Variants in COL16A1 observed in about 807,000 individuals in gnomAD.
COL16A1 encodes the protein collagen alpha-1(XVI) chain.
A neutral mutation model predicts 266.3 loss-of-function variants in COL16A1; 189 were observed. The ratio of observed to expected loss-of-function variants is 0.71; its 90% CI spans 0.63 to 0.80. COL16A1 has a LOEUF of 0.80. Among genes scored for constraint, COL16A1 ranks in the 30% least tolerant of loss-of-function variants. COL16A1 has a pLI of 0.00. For synonymous variants in COL16A1, 740 were observed against 782.3 expected, an observed-to-expected ratio of 0.95 and a Z score of 0.90; for missense variants, 1,928 against 2,122.4, an observed-to-expected ratio of 0.91 and a Z score of 1.80.
chr1:31,700,328 A>C (rs1365215897), intron 2 of COL16A1, among the ~76,000 whole-genome samples: 1 of 152,208 alleles, frequency 6.6e-6, no homozygotes, highest in Admixed American at 6.5e-5. Context: ...TGAGGTCCAG[A>C]GACTGAGGCC....
In COL16A1 at chr1:31,652,958, C is replaced by G. The variant is rs1478028213; in HGVS notation, c.4613-105G>C. On this transcript the variant is annotated intron_variant, in intron 70 of 70. Transcript: ENST00000373672. The surrounding 1 kb of genome is among the most constrained non-coding windows in gnomAD (Gnocchi z 4.8). ...TACCTTACATTTGATGACTGTTTCT[C>G]AAGTTACCACATGTTTTCATGAAGA... is the stretch of plus-strand genomic sequence containing the variant. 5 of 1,148,606 alleles carry G rather than the reference C, an allele frequency of 4.4e-6. No homozygotes were observed. Among genetic ancestry groups the G allele is most frequent in the Non-Finnish European group, 5.8e-6 (5 of 866,730 alleles). 71.2% of individuals were successfully genotyped at this position (1,148,606 alleles called of 1,614,324 possible).
chr1:31,666,472 C>A, intron 52 of COL16A1: 1 of 263,796 alleles, frequency 3.8e-6, no homozygotes. Flanking sequence ...CTTCCCACTT[C>A]TCCTCCCTCT....
Position 31,685,270 on chromosome 1 carries a change from C to T in COL16A1, c.2016+369G>A, listed in dbSNP as rs1643911760. Among the ~76,000 whole-genome samples the T allele has an allele frequency of 6.6e-6, 1 of 152,174 alleles. No individual in the cohort carries two copies. Among genetic ancestry groups the T allele is most frequent in the South Asian group, 2.1e-4 (1 of 4,830 alleles). On this transcript the variant is annotated intron_variant, in intron 29 of 70. Coordinates refer to ENST00000373672, the MANE Select transcript of COL16A1 (RefSeq NM_001856.4). The surrounding 1 kb of genome is among the most constrained non-coding windows in gnomAD (Gnocchi z 4.0). Reference sequence around the variant, plus strand: ...GTGGTAACTGCCATTTCCCCAGTGCCCATGGTGTACCACTAAGCACTTCAC... The same window carrying T: ...GTGGTAACTGCCATTTCCCCAGTGCTCATGGTGTACCACTAAGCACTTCAC...
chr1:31,673,383 C>G (rs369616623), intron 44 of COL16A1, among the ~76,000 whole-genome samples: 2 of 152,184 alleles, frequency 1.3e-5, no homozygotes, highest in Non-Finnish European at 2.9e-5. Flanking sequence ...GGGTCACAGA[C>G]CCCTCTGAGA....
In COL16A1 at chr1:31,662,581, A is replaced by C; in HGVS notation, c.3627+6T>G. On this transcript the variant is annotated splice_donor_region_variant and intron_variant, in intron 57 of 70. Transcript: ENST00000373672. ...CGTCTGCCACGCTGAAAGGGCACAC[A>C]CTCACCTGAATCCCAGGAGGTCCCG... is the stretch of plus-strand genomic sequence containing the variant. 6.4e-7 allele frequency: 1 copy of C among 1,563,630 alleles called. No individual in the cohort carries two copies. The highest frequency in any genetic ancestry group is 8.7e-7 in the Non-Finnish European group (1 of 1,154,852).
Position 31,675,263 on chromosome 1 carries a change from C to T in COL16A1, c.2821G>A (p.Glu941Lys). The part of the protein sequence containing the change: ...GLPGQPGLTA[E>K]LGSLPIEQHL... ...GAGTCCTGGCCAGTACCCACCAGTT[C>T]TGCAGTGAGCCCAGGCTGTCCTGGC... The change falls in exon 43 of 71, where the codon GAA (glutamate) becomes AAA (lysine). Residue 941 changes from glutamate (E) to lysine (K), a missense_variant. Around this residue, in one of 2 missense-constraint regions of COL16A1, gnomAD observed 1,552 missense variants for 1,637.2 expected, o/e 0.95. Transcript: ENST00000373672. The T allele has an allele frequency of 6.2e-7, 1 of 1,614,244 alleles. No homozygotes were observed. Among genetic ancestry groups the T allele is most frequent in the East Asian group, 2.2e-5 (1 of 44,880 alleles).
At chr1:31,661,224 C>T (rs1233833283) in intron 60 of COL16A1, 105 bp from the exon 61 acceptor site, 2 of 1,484,530 alleles carry the variant, frequency 1.3e-6, no homozygotes, top group East Asian at 2.4e-5. Flanking sequence ...CCAGCTTTGG[C>T]CAGAGGCCCT....
In COL16A1 at chr1:31,700,119, G is replaced by A; in HGVS notation, c.74-4C>T. The A allele has an allele frequency of 6.2e-7, 1 of 1,614,126 alleles. No homozygotes were observed. The highest frequency in any genetic ancestry group is 2.2e-5 in the East Asian group (1 of 44,888). On this transcript the variant is annotated splice_polypyrimidine_tract_variant and splice_region_variant and intron_variant, in intron 2 of 70. Transcript: ENST00000373672. ...TGTGAAGGTGGGCATTGTGCACCTA[G>A]AAGAGAAGGGGCAGGGGGGCATTAG...
In COL16A1 at chr1:31,695,771, G is replaced by A; in HGVS notation, c.935C>T (p.Ala312Val). Residue 312 changes from alanine (A) to valine (V), a missense_variant, in exon 10 of 71, where the codon GCA becomes GTA. Physicochemically the swap from Ala to Val is moderately conservative, Grantham distance 64. Around this residue, in one of 2 missense-constraint regions of COL16A1, gnomAD observed 1,552 missense variants for 1,637.2 expected, o/e 0.95. Coordinates refer to ENST00000373672, the MANE Select transcript of COL16A1 (RefSeq NM_001856.4). ...CACTGGGAGGCTTACCTCATCGGCT[G>A]CTGTCTCCTGATGGACCTGAGGAAA... The part of the protein sequence containing the change: ...ERGAKVHQET[A>V]ADECPPCVHG... 7.4e-6 allele frequency: 12 copies of A among 1,613,618 alleles called. No individual in the cohort carries two copies. Among genetic ancestry groups the A allele is most frequent in the Non-Finnish European group, 1.0e-5 (12 of 1,179,860 alleles).
intron 41 of COL16A1, 37 bp downstream of exon 41, chr1:31,679,767 C>T (rs755727169): frequency 2.8e-5 from 45 of 1,590,492 alleles, no homozygotes; most frequent in East Asian, 1.1e-4. Context: ...GGACAAGCCG[C>T]GGGGCGCTGG....
In COL16A1 at chr1:31,672,374, G is replaced by A. The variant is rs752352387; in HGVS notation, c.3105+42C>T. 13 of 1,610,280 alleles carry A rather than the reference G, an allele frequency of 8.1e-6. No individual in the cohort carries two copies. In the African/African-American group the frequency reaches 1.2e-4, roughly 15 times the overall value. ...CCAAGAGGTCTCAAAGGCAGACAGG[G>A]CCCCAGCTCCCTTGAGGATGAATCC... On this transcript the variant is annotated intron_variant, in intron 47 of 70. Coordinates refer to ENST00000373672, the MANE Select transcript of COL16A1 (RefSeq NM_001856.4).
chr1:31,672,376 C>G (rs1278938443), intron 47 of COL16A1, 40 bp downstream of exon 47: 1 of 1,611,358 alleles, frequency 6.2e-7, no homozygotes, highest in Non-Finnish European at 8.5e-7. Flanking sequence ...CAGACAGGGC[C>G]CCAGCTCCCT....
rs1042212417 is a variant in COL16A1, at chr1:31,663,988, C to T, written c.3555+1184G>A. ...GACCCAGCAAAGGGGAAAATGAACT[C>T]GGGGGCTCTGTAATGCCACCAGCCA... On this transcript the variant is annotated intron_variant, in intron 56 of 70. Coordinates refer to ENST00000373672, the MANE Select transcript of COL16A1 (RefSeq NM_001856.4). This position sits in a 1 kb window ranked among gnomAD's most constrained non-coding sequence, Gnocchi z 4.9. 6.6e-6 allele frequency among the ~76,000 whole-genome samples: 1 copy of T among 152,126 alleles called. No homozygotes were observed. Among genetic ancestry groups the T allele is most frequent in the Admixed American group, 6.5e-5 (1 of 15,280 alleles).
chr1:31,665,240 T>C lies in COL16A1; in HGVS notation c.3493-6A>G, dbSNP rs201010914. On this transcript the variant is annotated splice_polypyrimidine_tract_variant and splice_region_variant and intron_variant, in intron 55 of 70. Coordinates refer to ENST00000373672, the MANE Select transcript of COL16A1 (RefSeq NM_001856.4). ...CCTGGGAATCCAGGGGGACCCTGTA[T>C]CAACAAAGGGGCAGGCAGGAATGAA... 3 of 1,590,428 alleles carry C rather than the reference T, an allele frequency of 1.9e-6. No homozygotes were observed. In the African/African-American group the frequency reaches 4.1e-5, roughly 22 times the overall value.
chr1:31,665,995 A>G (rs1461641054), intron 53 of COL16A1, 42 bp downstream of exon 53: 2 of 1,613,424 alleles, frequency 1.2e-6, no homozygotes, highest in African/African-American at 2.7e-5. Flanking sequence ...AGACCCCAGG[A>G]CAAGACCAGG....
chr1:31,691,112 A>G (rs1300470722), intron 20 of COL16A1, 76 bp downstream of exon 20: 9 of 1,556,542 alleles, frequency 5.8e-6, no homozygotes, highest in Non-Finnish European at 7.8e-6. Flanking sequence ...CCCTGTGGGA[A>G]GCTGCCCCGG....
Position 31,652,421 on chromosome 1 carries a change from G to T in COL16A1, c.*230C>A. The T allele has an allele frequency of 2.5e-6, 1 of 401,834 alleles. No individual in the cohort carries two copies. 24.9% of individuals were successfully genotyped at this position (401,834 alleles called of 1,614,324 possible). A position where few individuals can be genotyped will look rare whatever the true frequency, so the allele number is the denominator to read the frequency against. ...ACCCAAAATGCCCTTTTTTGTTCCT[G>T]GGACTAAACGGGAAAAGGAGGGCAA... On this transcript the variant is annotated 3_prime_UTR_variant, in exon 71 of 71. Transcript: ENST00000373672. This position sits in a 1 kb window ranked among gnomAD's most constrained non-coding sequence, Gnocchi z 4.8.
In COL16A1 at chr1:31,683,700, G is replaced by T. The variant is rs778808707; in HGVS notation, c.2379+7C>A. The T allele has an allele frequency of 1.9e-5, 31 of 1,614,008 alleles. No individual in the cohort carries two copies. The highest frequency in any genetic ancestry group is 1.3e-5 in the African/African-American group (1 of 74,910). On this transcript the variant is annotated splice_region_variant and intron_variant, in intron 34 of 70. Coordinates refer to ENST00000373672, the MANE Select transcript of COL16A1 (RefSeq NM_001856.4). ...GAGGACAGGCAAAGGCAGGGCTAGAGACTCACCTGGGGTCCCTGGACTCCC... is the reference window on the plus strand; with the variant it reads ...GAGGACAGGCAAAGGCAGGGCTAGATACTCACCTGGGGTCCCTGGACTCCC...
At position 31,666,085 on chromosome 1, in the gene COL16A1, A is replaced by C. The variant is rs1642117765; in HGVS notation, c.3358-4T>G. 2 of 1,608,256 alleles carry C rather than the reference A, an allele frequency of 1.2e-6. No homozygotes were observed. The highest frequency in any genetic ancestry group is 2.7e-5 in the African/African-American group (2 of 74,216). ...GGCCTTCAGATCCTGGGGGGCCCTA[A>C]GGATACAAAGGAACAGAATCAGTCA... On this transcript the variant is annotated splice_region_variant and splice_polypyrimidine_tract_variant and intron_variant, in intron 52 of 70. Coordinates refer to ENST00000373672, the MANE Select transcript of COL16A1 (RefSeq NM_001856.4).
Sources: allele counts gnomAD v4.1 joint callset (sites outside exome capture counted in the v4.1 genomes callset), GRCh38; gene constraint gnomAD v4.1.1; regional missense constraint gnomAD v4.1.1; non-coding constraint Gnocchi (gnomAD v3.1); transcripts MANE v1.5; gene names NCBI Gene and HGNC (gene_info 2026-07-23, HGNC 2026-07-21).